SLC9B1: variants seen among roughly 807,000 people sequenced by gnomAD.
The protein encoded by SLC9B1 is solute carrier family 9 member B1.
Under a neutral mutation model 51.7 loss-of-function variants are expected in SLC9B1, and 32 were observed. The observed-to-expected ratio is 0.62, with a 90% CI of 0.47 to 0.83. SLC9B1 has a LOEUF of 0.83. SLC9B1 is among the 40% of genes least tolerant of loss of function. The pLI is 0.00. For missense variants in SLC9B1, 406 were observed against 613.2 expected, an observed-to-expected ratio of 0.66 and a Z score of 3.57; for synonymous variants, 145 against 212.7, an observed-to-expected ratio of 0.68 and a Z score of 2.77.
intron 3 of SLC9B1, among the ~76,000 whole-genome samples, chr4:102,974,967 CA>C (rs1174082725): frequency 6.6e-6 from 1 of 152,112 alleles, no homozygotes; most frequent in Non-Finnish European, 1.5e-5. Flanking sequence ...GGAATAGAAG[CA>C]AACATTTAAC....
intron 3 of SLC9B1, among the ~76,000 whole-genome samples, chr4:102,958,090 G>A (rs1430383550): frequency 2.6e-5 from 4 of 152,130 alleles, no homozygotes; most frequent in Non-Finnish European, 5.9e-5. Context: ...GATATAGTTT[G>A]GATATGTGTC....
In SLC9B1 at chr4:102,890,450, A is replaced by G. The variant is rs1185833271; in HGVS notation, c.1333-5122T>C. The G allele has an allele frequency of 2.0e-5, 3 of 152,212 alleles. No individual in the cohort carries two copies. The East Asian group carries it at 5.8e-4, about 29-fold the overall frequency. The allele number at this position is 152,212 out of a possible 1,614,324, so 9.4% of individuals were successfully genotyped here. The stretch of plus-strand genomic sequence containing the variant: ...CTACCAAAGAAGCCTAAGTAATTGT[A>G]TAATACTTAACCCATTTAGAATTCA... On this transcript the variant is annotated intron_variant, in intron 11 of 11. Coordinates refer to the SLC9B1 transcript ENST00000394789.
At chr4:102,955,784 A>T (rs1432332842) in intron 3 of SLC9B1, among the ~76,000 whole-genome samples, 2 of 151,538 alleles carry the variant, frequency 1.3e-5, no homozygotes, top group Non-Finnish European at 2.9e-5. Flanking sequence ...AAGTAAAATT[A>T]AAAAAGAAAG....
rs1462034071 is a variant in SLC9B1, at chr4:102,940,968, A to G, written c.653+4225T>C. Among the ~76,000 whole-genome samples, 3 of 152,200 alleles carry G rather than the reference A, an allele frequency of 2.0e-5. No individual in the cohort carries two copies. In the South Asian group the frequency reaches 6.2e-4, roughly 31 times the overall value. ...TCCATACGTTTCACCGTTTACAAAA[A>G]TCACCTCAAGATAGATTAAAGACTT... On this transcript the variant is annotated intron_variant, in intron 6 of 11. Transcript: ENST00000296422.
At chr4:102,967,468 G>C (rs1281544352) in intron 3 of SLC9B1, among the ~76,000 whole-genome samples, 1 of 152,196 alleles carries the variant, frequency 6.6e-6, no homozygotes, top group East Asian at 1.9e-4. Flanking sequence ...AGGCTGGAAA[G>C]AATGACACTG....
At chr4:102,959,454 T>A (rs1464762109) in intron 3 of SLC9B1, among the ~76,000 whole-genome samples, 1 of 152,254 alleles carries the variant, frequency 6.6e-6, no homozygotes. Flanking sequence ...TGTTAAGATG[T>A]TCTTCCAGGA....
At position 102,930,431 on chromosome 4, in the gene SLC9B1, A is replaced by T. The variant is rs80061148; in HGVS notation, c.829+1693T>A. On this transcript the variant is annotated intron_variant, in intron 7 of 11. Transcript: ENST00000296422. ...GTATTATTTTTTAAATTAAAAAAAAATTTTTTTTGAGACAGTGTCTCACTC... is the reference window on the plus strand; with the variant it reads ...GTATTATTTTTTAAATTAAAAAAAATTTTTTTTTGAGACAGTGTCTCACTC... 1.1e-4 allele frequency among the ~76,000 whole-genome samples: 17 copies of T among 152,150 alleles called. No individual in the cohort carries two copies. In the East Asian group the frequency reaches 1.2e-3, roughly 10 times the overall value.
At chr4:102,998,468 T>C in intron 1 of SLC9B1, among the ~76,000 whole-genome samples, 1 of 152,230 alleles carries the variant, frequency 6.6e-6, no homozygotes, top group Non-Finnish European at 1.5e-5. Context: ...TTGTGAATAA[T>C]GCTGCTATGA....
At chr4:103,006,419 G>A (rs1046300892) in intron 1 of SLC9B1, among the ~76,000 whole-genome samples, 2 of 151,868 alleles carry the variant, frequency 1.3e-5, no homozygotes, top group East Asian at 1.9e-4. Flanking sequence ...TTCTGGAAAC[G>A]TACAACCTCC....
chr4:102,911,310 C>T (rs1480433112), intron 8 of SLC9B1, 121 bp downstream of exon 8: 8 of 647,960 alleles, frequency 1.2e-5, no homozygotes, highest in Admixed American at 2.7e-5. Context: ...ACAGAGTAGG[C>T]ATTGGAGGCT....
intron 1 of SLC9B1, among the ~76,000 whole-genome samples, chr4:103,014,668 A>G (rs1427971164): frequency 6.6e-6 from 1 of 152,182 alleles, no homozygotes; most frequent in Non-Finnish European, 1.5e-5. Flanking sequence ...TTATACCATC[A>G]ATTATTGGAT....
At chr4:102,925,331 A>C (rs528068107) in intron 7 of SLC9B1, among the ~76,000 whole-genome samples, 2 of 152,026 alleles carry the variant, frequency 1.3e-5, no homozygotes, top group Non-Finnish European at 2.9e-5. Context: ...GCATGTTCTC[A>C]CTCATAGGTG....
intron 7 of SLC9B1, among the ~76,000 whole-genome samples, chr4:102,917,705 G>C (rs1464911889): frequency 6.6e-6 from 1 of 152,076 alleles, no homozygotes; most frequent in Non-Finnish European, 1.5e-5. Context: ...AAGCAACTTA[G>C]CTTTACACCT....
In SLC9B1 at chr4:102,979,368, T is replaced by C. The variant is rs550373285; in HGVS notation, c.211+10432A>G. On this transcript the variant is annotated intron_variant, in intron 3 of 11. Transcript: ENST00000296422. The stretch of plus-strand genomic sequence containing the variant: ...GATGAGTAAACTCTCCTCTTTTCAT[T>C]TGTTATTCTCAGTAGTAAACACATG... Among the ~76,000 whole-genome samples, 8 of 152,276 alleles carry C rather than the reference T, an allele frequency of 5.3e-5. No homozygotes were observed. In the South Asian group the frequency reaches 1.7e-3, roughly 32 times the overall value.
chr4:102,949,186 A>T (rs1737419222), intron 4 of SLC9B1, 71 bp downstream of exon 4: 12 of 1,228,270 alleles, frequency 9.8e-6, no homozygotes, highest in Non-Finnish European at 1.4e-5. Context: ...ATTATAACTA[A>T]TTCAACAAGA....
intron 3 of SLC9B1, among the ~76,000 whole-genome samples, chr4:102,980,316 T>C (rs1347698439): frequency 6.6e-6 from 1 of 152,132 alleles, no homozygotes; most frequent in Non-Finnish European, 1.5e-5. Context: ...TGCAGCACTA[T>C]TCACAATAAA....
intron 1 of SLC9B1, among the ~76,000 whole-genome samples, chr4:102,993,078 AT>A (rs1295470758): frequency 8.9e-6 from 1 of 112,910 alleles, no homozygotes; most frequent in Non-Finnish European, 1.8e-5. Flanking sequence ...GACAAATCAT[AT>A]CATTCTGCCC....
chr4:102,908,319 G>A (rs1272946597), intron 9 of SLC9B1, among the ~76,000 whole-genome samples: 1 of 152,152 alleles, frequency 6.6e-6, no homozygotes, highest in East Asian at 1.9e-4. Context: ...ATATCTGTAT[G>A]TACATATTCA....
At chr4:102,940,190 A>G (rs940134542) in intron 6 of SLC9B1, among the ~76,000 whole-genome samples, 2 of 152,240 alleles carry the variant, frequency 1.3e-5, no homozygotes, top group African/African-American at 4.8e-5. Flanking sequence ...AAAAATCTGT[A>G]GCATTTCTAT....
Sources: allele counts gnomAD v4.1 joint callset (sites outside exome capture counted in the v4.1 genomes callset), GRCh38; gene constraint gnomAD v4.1.1; transcripts MANE v1.5; gene names NCBI Gene and HGNC (gene_info 2026-07-23, HGNC 2026-07-21).